EML4: variants seen among roughly 807,000 people sequenced by gnomAD.
EML4 encodes EMAP like 4.
In EML4, 72 loss-of-function variants were observed where a neutral mutation model predicts 129.0. That is an observed-to-expected ratio of 0.56 (90% confidence interval 0.46 to 0.68). EML4 has a LOEUF of 0.68. EML4 is among the 30% of genes least tolerant of loss of function. The pLI is 0.00. For synonymous variants in EML4, 532 were observed against 405.0 expected, an observed-to-expected ratio of 1.31 and a Z score of -3.77; for missense variants, 1,363 against 1,190.6, an observed-to-expected ratio of 1.14 and a Z score of -2.13.
rs775762337 is a variant in EML4 at position 42,295,459 on chromosome 2, G to T, written c.1432G>T (p.Val478Phe). Reference sequence around the variant, plus strand: ...TGTTCTTACTGGAGACTCAGGTGGAGTCATGCTTATATGGAGCAAAACTAC... The same window carrying T: ...TGTTCTTACTGGAGACTCAGGTGGATTCATGCTTATATGGAGCAAAACTAC... ...GDVLTGDSGG[V>F]MLIWSKTTVE... The change falls in exon 13 of 23, where the codon GTC (valine) becomes TTC (phenylalanine). Residue 478 changes from valine (V) to phenylalanine (F), a missense_variant. By Grantham distance (50) the Val-to-Phe change is conservative. Coordinates refer to ENST00000318522, the MANE Select transcript of EML4 (RefSeq NM_019063.5). The T allele has an allele frequency of 6.2e-7, 1 of 1,613,998 alleles. No homozygotes were observed. The highest frequency in any genetic ancestry group is 1.1e-5 in the South Asian group (1 of 91,076).
At chr2:42,231,989 A>G (rs1674376462) in intron 1 of EML4, among the ~76,000 whole-genome samples, 2 of 152,118 alleles carry the variant, frequency 1.3e-5, no homozygotes, top group African/African-American at 4.8e-5. Flanking sequence ...TGGTAGATAA[A>G]TTTCTGGCAG....
intron 2 of EML4, among the ~76,000 whole-genome samples, chr2:42,248,368 T>C (rs1447574030): frequency 6.6e-6 from 1 of 152,208 alleles, no homozygotes; most frequent in Admixed American, 6.5e-5. Flanking sequence ...TTAAAGAAAT[T>C]TAAAAATTGC....
chr2:42,188,020 A>T (rs894544815), intron 1 of EML4, among the ~76,000 whole-genome samples: 2 of 152,196 alleles, frequency 1.3e-5, no homozygotes, highest in African/African-American at 4.8e-5. Context: ...TAGGGTACAA[A>T]GTCAAGTTTC....
chr2:42,257,748 A>G (rs919201325), intron 3 of EML4, among the ~76,000 whole-genome samples: 7 of 151,978 alleles, frequency 4.6e-5, no homozygotes, highest in South Asian at 2.1e-4. Flanking sequence ...GAGGCAGGAG[A>G]ATGGCGTGAA....
chr2:42,308,597 TAATTC>T (rs1348795299), intron 17 of EML4, among the ~76,000 whole-genome samples: 1 of 152,146 alleles, frequency 6.6e-6, no homozygotes, highest in Non-Finnish European at 1.5e-5. Flanking sequence ...AAATAAAAAA[TAATTC>T]AAATACTATA....
In EML4 at chr2:42,317,476, T is replaced by C. The variant is rs922947012; in HGVS notation, c.2106T>C (p.Tyr702=). ...CTCATGACAACTTTATTTACCTCTA[T>C]GTAGTCTCTGAAAATGGAAGAAAAT... ...VGSHDNFIYL[Y]VVSENGRKYS... The change falls in exon 19 of 23, where the codon TAT becomes TAC. Residue 702 remains tyrosine, a synonymous_variant. Transcript: ENST00000318522. The C allele has an allele frequency of 1.2e-6, 2 of 1,613,084 alleles. No individual in the cohort carries two copies. The highest frequency in any genetic ancestry group is 8.5e-7 in the Non-Finnish European group (1 of 1,179,388).
chr2:42,209,014 A>G (rs1025070985), intron 1 of EML4, among the ~76,000 whole-genome samples: 1 of 152,126 alleles, frequency 6.6e-6, no homozygotes, highest in African/African-American at 2.4e-5. Flanking sequence ...TTATGGTTTT[A>G]TCCCCTAAGA....
intron 13 of EML4, among the ~76,000 whole-genome samples, chr2:42,296,541 A>G (rs1667967146): frequency 6.6e-6 from 1 of 152,054 alleles, no homozygotes; most frequent in African/African-American, 2.4e-5. Flanking sequence ...TAAGTGATTT[A>G]TGAATAAGGG....
Position 42,245,463 on chromosome 2 carries a change from C to T in EML4, c.26-42C>T, listed in dbSNP as rs57344559. 606 of 1,480,378 alleles carry T rather than the reference C, an allele frequency of 4.1e-4. 1 individual carries two copies. The African/African-American group carries it at 5.5e-3, about 14-fold the overall frequency. 91.7% of individuals were successfully genotyped at this position (1,480,378 alleles called of 1,614,324 possible). A position where few individuals can be genotyped will look rare whatever the true frequency, so the allele number is the denominator to read the frequency against. On this transcript the variant is annotated intron_variant, in intron 1 of 22. Transcript: ENST00000318522. ...TTCTAATCAGAAATTACTTCTCAAG[C>T]AGTTTACTTAAAAATATTCCATATT...
intron 1 of EML4, among the ~76,000 whole-genome samples, chr2:42,216,567 T>G (rs1257996636): frequency 6.6e-6 from 1 of 152,166 alleles, no homozygotes; most frequent in African/African-American, 2.4e-5. Flanking sequence ...ATAAAAACAA[T>G]CATCCACAAT....
intron 1 of EML4, among the ~76,000 whole-genome samples, chr2:42,233,477 T>A (rs1234075642): frequency 6.6e-6 from 1 of 151,836 alleles, no homozygotes; most frequent in Non-Finnish European, 1.5e-5. Flanking sequence ...AGCCAATTTT[T>A]TTTTTATTTT....
chr2:42,174,631 C>T (rs937930517), intron 1 of EML4, among the ~76,000 whole-genome samples: 3 of 151,996 alleles, frequency 2.0e-5, no homozygotes, highest in African/African-American at 7.2e-5. Context: ...ATCTCTTGTC[C>T]TTTAGCTGTC....
chr2:42,273,282 ATG>A (rs1666474377), intron 6 of EML4, among the ~76,000 whole-genome samples: 1 of 152,164 alleles, frequency 6.6e-6, no homozygotes, highest in Admixed American at 6.5e-5. Flanking sequence ...TAGCAGTTTT[ATG>A]TGTCTCATAT....
chr2:42,313,843 C>A (rs140640885), intron 17 of EML4, among the ~76,000 whole-genome samples: 6,594 of 151,926 alleles, frequency 0.043, 189 homozygotes, highest in Middle Eastern at 0.096. Flanking sequence ...ACACGAGAAT[C>A]GCTTGAACCC....
At chr2:42,169,898 A>C in intron 1 of EML4, 1 of 401,564 alleles carries the variant, frequency 2.5e-6, no homozygotes, top group Non-Finnish European at 4.5e-6. Flanking sequence ...CCAAAGTGGG[A>C]ACCCCTTCCT....
chr2:42,325,720 T>C (rs998190124), intron 20 of EML4, among the ~76,000 whole-genome samples, 166 bp downstream of exon 20: 13 of 148,972 alleles, frequency 8.7e-5, no homozygotes, highest in Non-Finnish European at 1.6e-4. Context: ...CCAACCTCTT[T>C]AACCTGACAA....
intron 17 of EML4, among the ~76,000 whole-genome samples, chr2:42,305,732 AATTAAACTC>A (rs1486868878): frequency 6.6e-6 from 1 of 152,162 alleles, no homozygotes; most frequent in Non-Finnish European, 1.5e-5. Flanking sequence ...ATTTTCCCAA[AATTAAACTC>A]ATTAAAAAAT....
intron 6 of EML4, among the ~76,000 whole-genome samples, chr2:42,275,285 T>A (rs553815809): frequency 4.9e-4 from 75 of 152,314 alleles, no homozygotes; most frequent in African/African-American, 1.4e-3. Context: ...AAAATCTGGT[T>A]TGTATATTTC....
chr2:42,319,113 C>G (rs891548916), intron 19 of EML4, among the ~76,000 whole-genome samples: 1 of 152,198 alleles, frequency 6.6e-6, no homozygotes, highest in Non-Finnish European at 1.5e-5. Context: ...CCCTGTAGCA[C>G]TTAGCCCACT....
Sources: gnomAD v4.1 joint callset for allele counts (sites outside exome capture counted in the v4.1 genomes callset) on GRCh38, gnomAD v4.1.1 for gene constraint, MANE v1.5 for transcripts, NCBI Gene and HGNC (gene_info 2026-07-23, HGNC 2026-07-21) for gene names.